Variants in TMEM131L observed in about 807,000 individuals in gnomAD.
TMEM131L encodes transmembrane 131 like.
Under a neutral mutation model 192.2 loss-of-function variants are expected in TMEM131L, and 54 were observed. The observed-to-expected ratio is 0.28, with a 90% confidence interval of 0.23 to 0.35. The LOEUF is 0.35. Ranked by LOEUF, TMEM131L falls within the 10% of genes least tolerant of loss-of-function variation. The probability of loss-of-function intolerance (pLI) is 1.00; values close to 1 mark genes in which losing one functional copy is unlikely to be tolerated. For missense variants in TMEM131L, 1,888 were observed against 1,972.9 expected, an observed-to-expected ratio of 0.96 and a Z score of 0.82; for synonymous variants, 701 against 704.9, an observed-to-expected ratio of 0.99 and a Z score of 0.09.
chr4:153,540,018 G>A (rs1736651540), intron 3 of TMEM131L, among the ~76,000 whole-genome samples: 1 of 152,062 alleles, frequency 6.6e-6, no homozygotes, highest in Non-Finnish European at 1.5e-5. Context: ...GGCTGAGGCA[G>A]GAGAATTGCT....
chr4:153,572,541 G>A (rs1272410864), intron 7 of TMEM131L, among the ~76,000 whole-genome samples: 1 of 151,982 alleles, frequency 6.6e-6, no homozygotes, highest in Non-Finnish European at 1.5e-5. Context: ...ATGTTGGTCA[G>A]GCTGGTCTTG....
At chr4:153,488,495 C>T (rs1170422061) in intron 3 of TMEM131L, among the ~76,000 whole-genome samples, 2 of 152,114 alleles carry the variant, frequency 1.3e-5, no homozygotes, top group Admixed American at 6.5e-5. Context: ...GGGACAAGGG[C>T]CTGGGCCTGG....
rs376517700 is a variant in TMEM131L at position 153,602,713 on chromosome 4, G to A, written c.2625G>A (p.Thr875=). 6.2e-6 allele frequency: 10 copies of A among 1,613,784 alleles called. No homozygotes were observed. Among genetic ancestry groups the A allele is most frequent in the African/African-American group, 4.0e-5 (3 of 74,878 alleles). The change falls in exon 23 of 35, where the codon ACG becomes ACA. Residue 875 remains threonine (T), a synonymous_variant. Transcript: ENST00000409959. ...GGGAGGAGTCATTTTGGAGGCTCAC[G>A]GTCTTCTTTGTCAGGTAAACCACTA... ...PSWEESFWRL[T]VFFVSLSLLG...
At chr4:153,592,794 G>A (rs1006101689) in intron 18 of TMEM131L, among the ~76,000 whole-genome samples, 1 of 152,230 alleles carries the variant, frequency 6.6e-6, no homozygotes, top group African/African-American at 2.4e-5. Context: ...CATCTTCAGT[G>A]TTACTATGCG....
intron 4 of TMEM131L, among the ~76,000 whole-genome samples, chr4:153,550,824 C>T (rs919906771): frequency 1.3e-5 from 2 of 152,114 alleles, no homozygotes; most frequent in Non-Finnish European, 2.9e-5. Context: ...CAAAATTGCA[C>T]CATGCTTACA....
chr4:153,560,131 A>G (rs189021029), intron 7 of TMEM131L, among the ~76,000 whole-genome samples: 1 of 152,156 alleles, frequency 6.6e-6, no homozygotes, highest in Admixed American at 6.5e-5. Context: ...ATTTATCTAG[A>G]CTTCCGCTCC....
Position 153,556,180 on chromosome 4 carries a change from T to C in TMEM131L, c.432+270T>C, listed in dbSNP as rs1489790167. On this transcript the variant is annotated intron_variant, in intron 5 of 34. Transcript: ENST00000409959. ...TCAGCTGTGTAGTAATGTATGTATA[T>C]TTAACATGGCTCTATTGTGACTAAG... Among the ~76,000 whole-genome samples, 3 of 152,138 alleles carry C rather than the reference T, an allele frequency of 2.0e-5. No individual in the cohort carries two copies. The East Asian group carries it at 5.8e-4, about 29-fold the overall frequency.
At chr4:153,566,675 G>A (rs1316772842) in intron 7 of TMEM131L, among the ~76,000 whole-genome samples, 2 of 152,114 alleles carry the variant, frequency 1.3e-5, no homozygotes, top group African/African-American at 2.4e-5. Context: ...TGAAACATTA[G>A]AAATAAACCT....
At chr4:153,519,377 A>G (rs1486410154) in intron 3 of TMEM131L, among the ~76,000 whole-genome samples, 1 of 152,250 alleles carries the variant, frequency 6.6e-6, no homozygotes, top group Non-Finnish European at 1.5e-5. Flanking sequence ...ACCCAAATCC[A>G]GATGGACGAA....
chr4:153,623,904 T>C (rs1448407647), intron 29 of TMEM131L, among the ~76,000 whole-genome samples: 1 of 152,122 alleles, frequency 6.6e-6, no homozygotes, highest in African/African-American at 2.4e-5. Flanking sequence ...TATTTGCTTT[T>C]TTTTTTTTAA....
chr4:153,489,268 G>GCTTC (rs1361514552), intron 3 of TMEM131L, among the ~76,000 whole-genome samples: 2 of 152,120 alleles, frequency 1.3e-5, no homozygotes, highest in African/African-American at 4.8e-5. Flanking sequence ...CCACTGTGAA[G>GCTTC]CTTCCTTCCT....
intron 7 of TMEM131L, among the ~76,000 whole-genome samples, chr4:153,569,871 C>T (rs931165580): frequency 8.5e-5 from 13 of 152,230 alleles, no homozygotes; most frequent in Admixed American, 2.0e-4. Flanking sequence ...TATGAAACTC[C>T]GGGAGAACTT....
At chr4:153,556,607 TTA>T (rs1728472264) in intron 5 of TMEM131L, among the ~76,000 whole-genome samples, 1 of 152,248 alleles carries the variant, frequency 6.6e-6, no homozygotes, top group Non-Finnish European at 1.5e-5. Flanking sequence ...CTGATTTTTA[TTA>T]CATATCAACA....
At position 153,536,718 on chromosome 4, in the gene TMEM131L, A is replaced by C. The variant is rs531835994; in HGVS notation, c.240-13355A>C. ...GTCTTGTCTGTCTGTCTGTCTATCT[A>C]TCTCCCTCCCTCCCTCCCTCCCTTC... is the stretch of plus-strand genomic sequence containing the variant. On this transcript the variant is annotated intron_variant, in intron 3 of 34. Transcript: ENST00000409959. Among the ~76,000 whole-genome samples, 36 of 151,054 alleles carry C rather than the reference A, an allele frequency of 2.4e-4. No individual in the cohort carries two copies. In the East Asian group the frequency reaches 3.3e-3, roughly 14 times the overall value.
intron 3 of TMEM131L, among the ~76,000 whole-genome samples, chr4:153,479,784 C>T (rs2149787243): frequency 6.6e-6 from 1 of 152,316 alleles, no homozygotes; most frequent in East Asian, 1.9e-4. Flanking sequence ...ATTGTCCTGT[C>T]AGCAACATAC....
intron 3 of TMEM131L, among the ~76,000 whole-genome samples, chr4:153,536,442 C>G (rs556188512): frequency 1.8e-3 from 279 of 152,328 alleles, no homozygotes; most frequent in African/African-American, 6.5e-3. Context: ...AAGGGAGGCT[C>G]CTGCTTCAGT....
At chr4:153,619,099 G>T (rs116003606) in intron 26 of TMEM131L, among the ~76,000 whole-genome samples, 1 of 152,040 alleles carries the variant, frequency 6.6e-6, no homozygotes, top group Non-Finnish European at 1.5e-5. Context: ...TCACCCTTTC[G>T]CTTGCACAGG....
Position 153,588,938 on chromosome 4 carries a change from A to G in TMEM131L, c.1601A>G (p.Asn534Ser). 2 of 1,609,624 alleles carry G rather than the reference A, an allele frequency of 1.2e-6. No individual in the cohort carries two copies. The highest frequency in any genetic ancestry group is 1.7e-6 in the Non-Finnish European group (2 of 1,175,906). Residue 534 changes from asparagine to serine, a missense_variant, in exon 16 of 35, where the codon AAT becomes AGT. Asn to Ser is a conservative substitution (Grantham distance 46). Transcript: ENST00000409959. ...GSLSLDQSTW[N>S]VDSELANKLY... is the part of the protein sequence containing the mutation. ...CTTTCTCTGGATCAATCTACCTGGA[A>G]TGTGGATTCTGAACTTGCAAATAAA...
intron 3 of TMEM131L, among the ~76,000 whole-genome samples, chr4:153,517,019 G>A: frequency 6.6e-6 from 1 of 151,978 alleles, no homozygotes; most frequent in Non-Finnish European, 1.5e-5. Flanking sequence ...TAGAGATGGG[G>A]TTTCACCGTG....
Sources: allele counts gnomAD v4.1 joint callset (sites outside exome capture counted in the v4.1 genomes callset), GRCh38; gene constraint gnomAD v4.1.1; transcripts MANE v1.5; gene names NCBI Gene and HGNC (gene_info 2026-07-23, HGNC 2026-07-21).